The following TOR1AIP2 variants were observed in gnomAD, a reference collection of about 807,000 sequenced individuals.
The protein encoded by TOR1AIP2 is torsin-1A-interacting protein 2.
A neutral mutation model predicts 32.6 loss-of-function variants in TOR1AIP2; 20 were observed. That is an observed-to-expected ratio of 0.61 (90% CI 0.43 to 0.89). The LOEUF (loss-of-function observed/expected upper bound fraction) is 0.89. TOR1AIP2 is among the 40% of genes least tolerant of loss of function. The pLI, the probability that TOR1AIP2 is intolerant of heterozygous loss-of-function variation, is 0.00. For missense variants in TOR1AIP2, 456 were observed against 553.8 expected, an observed-to-expected ratio of 0.82 and a Z score of 1.77; for synonymous variants, 214 against 210.8, an observed-to-expected ratio of 1.02 and a Z score of -0.13.
At chr1:179,863,255 T>C (rs1235124406) in intron 3 of TOR1AIP2, 24 of 955,420 alleles carry the variant, frequency 2.5e-5, no homozygotes, top group Middle Eastern at 5.3e-4. Flanking sequence ...AAAGCCCTGA[T>C]TTCTTCAATG....
intron 3 of TOR1AIP2, chr1:179,863,648 G>C: frequency 1.1e-6 from 1 of 935,872 alleles, no homozygotes; most frequent in Non-Finnish European, 1.2e-6. Context: ...GGGTCATACA[G>C]CAAGACTCTG....
chr1:179,865,284 T>G, intron 3 of TOR1AIP2, 152 bp downstream of exon 3: 2 of 1,377,174 alleles, frequency 1.5e-6, no homozygotes, highest in South Asian at 3.1e-5. Flanking sequence ...TACCAATTTC[T>G]TAGTTCAACC....
Position 179,846,361 on chromosome 1 carries a change from T to A in TOR1AIP2, c.1123A>T (p.Thr375Ser). ...HHFESFPAGS[T>S]LIFYKYCDHE... ...TCACAATACTTATAGAAGATCAAAG[T>A]GGAGCCGGCAGGGAAGGATTCGAAG... Residue 375 changes from threonine to serine, a missense_variant, in exon 7 of 7, where the codon ACT (threonine) becomes TCT (serine). By Grantham distance (58) the Thr-to-Ser change is moderately conservative. Transcript: ENST00000609928. The A allele has an allele frequency of 6.2e-7, 1 of 1,614,226 alleles. No homozygotes were observed. Among genetic ancestry groups the A allele is most frequent in the Non-Finnish European group, 8.5e-7 (1 of 1,180,040 alleles).
Position 179,843,255 on chromosome 1 carries a change from T to C in TOR1AIP2, c.*2816A>G, listed in dbSNP as rs905673526. 6.6e-6 allele frequency: 1 copy of C among 151,880 alleles called. No homozygotes were observed. The highest frequency in any genetic ancestry group is 1.5e-5 in the Non-Finnish European group (1 of 67,942). The allele number at this position is 151,880 out of a possible 1,614,324, so 9.4% of individuals were successfully genotyped here. A position where few individuals can be genotyped will look rare whatever the true frequency, so the allele number is the denominator to read the frequency against. On this transcript the variant is annotated 3_prime_UTR_variant, in exon 7 of 7. Transcript: ENST00000609928. ...GTGCAGTGGCTCGTGCCTATAATCCTAGCACTTTGAAAGACCAAGGCAGGC... is the reference window on the plus strand; with the variant it reads ...GTGCAGTGGCTCGTGCCTATAATCCCAGCACTTTGAAAGACCAAGGCAGGC...
At chr1:179,862,520 G>A in intron 3 of TOR1AIP2, 15 of 985,394 alleles carry the variant, frequency 1.5e-5, no homozygotes, top group Non-Finnish European at 1.8e-5. Context: ...GATACAGGGT[G>A]CATCTCTGGG....
At chr1:179,849,126 A>G (rs1195937338) in intron 5 of TOR1AIP2, among the ~76,000 whole-genome samples, 2 of 151,996 alleles carry the variant, frequency 1.3e-5, no homozygotes, top group Non-Finnish European at 2.9e-5. Flanking sequence ...AAAGAGTGAG[A>G]CTCCATCTCA....
At chr1:179,862,271 G>GT in intron 3 of TOR1AIP2, 1 of 977,400 alleles carries the variant, frequency 1.0e-6, no homozygotes, top group Non-Finnish European at 1.2e-6. Flanking sequence ...ATATGTCCTT[G>GT]TAACATAAGC....
intron 2 of TOR1AIP2, among the ~76,000 whole-genome samples, chr1:179,876,546 C>A (rs1647321797): frequency 6.6e-6 from 1 of 152,128 alleles, no homozygotes; most frequent in Non-Finnish European, 1.5e-5. Context: ...TTCTAATCCA[C>A]ACAAAGTCTT....
intron 3 of TOR1AIP2, 85 bp downstream of exon 3, chr1:179,865,351 A>G: frequency 1.3e-6 from 1 of 756,460 alleles, no homozygotes; most frequent in Non-Finnish European, 2.1e-6. Flanking sequence ...ATTCTTCAAG[A>G]TTTCGTTGTC....
chr1:179,870,399 CA>C (rs201371058), intron 2 of TOR1AIP2, among the ~76,000 whole-genome samples: 23 of 140,964 alleles, frequency 1.6e-4, no homozygotes, highest in East Asian at 4.1e-4. Context: ...ACTCCATTTC[CA>C]AAAAAAAAAA....
At chr1:179,847,447 C>CTGTT in intron 6 of TOR1AIP2, 88 bp downstream of exon 6, 1 of 873,792 alleles carries the variant, frequency 1.1e-6, no homozygotes, top group Non-Finnish European at 2.0e-6. Flanking sequence ...AATGTTAAAA[C>CTGTT]TGTTTAAATC....
chr1:179,865,090 T>C (rs762255678), intron 3 of TOR1AIP2: 1 of 1,614,046 alleles, frequency 6.2e-7, no homozygotes, highest in South Asian at 1.1e-5. Context: ...TTTCAACAAG[T>C]TCAGTTTGGT....
intron 3 of TOR1AIP2, chr1:179,861,213 A>G (rs1696516797): frequency 4.1e-6 from 4 of 985,358 alleles, no homozygotes; most frequent in Non-Finnish European, 2.4e-6. Flanking sequence ...AAAACACTGG[A>G]TAACCCTCCA....
chr1:179,861,657 G>A (rs1696537541), intron 3 of TOR1AIP2: 2 of 985,228 alleles, frequency 2.0e-6, no homozygotes, highest in African/African-American at 3.5e-5. Context: ...TATTAACAGT[G>A]ATCTTCAGTC....
chr1:179,859,739 CT>C (rs1194987568), intron 3 of TOR1AIP2: 40 of 985,338 alleles, frequency 4.1e-5, no homozygotes, highest in Non-Finnish European at 4.8e-5. Flanking sequence ...GCCTTTTAAT[CT>C]TTACACCCAA....
At chr1:179,861,228 ATT>A (rs1696517802) in intron 3 of TOR1AIP2, 2 of 985,296 alleles carry the variant, frequency 2.0e-6, no homozygotes, top group Middle Eastern at 5.2e-4. Context: ...CCTCCAGATC[ATT>A]TGTCATTACA....
At chr1:179,865,086 C>T (rs917196378) in intron 3 of TOR1AIP2, 5 of 1,614,058 alleles carry the variant, frequency 3.1e-6, no homozygotes, top group African/African-American at 2.7e-5. Context: ...TCATTTTCAA[C>T]AAGTTCAGTT....
chr1:179,842,076 C>G lies in TOR1AIP2; in HGVS notation c.*3995G>C, dbSNP rs924674904. 6.6e-6 allele frequency: 1 copy of G among 152,276 alleles called. No individual in the cohort carries two copies. 9.4% of individuals were successfully genotyped at this position (152,276 alleles called of 1,614,324 possible). A position where few individuals can be genotyped will look rare whatever the true frequency, so the allele number is the denominator to read the frequency against. On this transcript the variant is annotated 3_prime_UTR_variant, in exon 7 of 7. Coordinates refer to ENST00000609928, the MANE Select transcript of TOR1AIP2 (RefSeq NM_001199260.2). Reference sequence around the variant, plus strand: ...ATTAGCTGGGCGTGATGGCACGTGCCTGTAATCCAGCTACTTGGCAGGCTG... The same window carrying G: ...ATTAGCTGGGCGTGATGGCACGTGCGTGTAATCCAGCTACTTGGCAGGCTG...
intron 3 of TOR1AIP2, among the ~76,000 whole-genome samples, chr1:179,855,058 A>G (rs970797390): frequency 1.3e-5 from 2 of 152,224 alleles, no homozygotes; most frequent in Non-Finnish European, 2.9e-5. Flanking sequence ...GACTATTCAA[A>G]TAGGGGGAAA....
Sources: allele counts gnomAD v4.1 joint callset (sites outside exome capture counted in the v4.1 genomes callset), GRCh38; gene constraint gnomAD v4.1.1; transcripts MANE v1.5; gene names NCBI Gene and HGNC (gene_info 2026-07-23, HGNC 2026-07-21).